The following KCNIP1 variants were observed in gnomAD, a reference collection of about 807,000 sequenced individuals.
The protein encoded by KCNIP1 is potassium voltage-gated channel interacting protein 1, also known as A-type potassium channel modulatory protein KCNIP1.
Under a neutral mutation model 33.0 loss-of-function variants are expected in KCNIP1, and 18 were observed. The observed-to-expected ratio is 0.55, with a 90% CI of 0.38 to 0.81. The LOEUF (loss-of-function observed/expected upper bound fraction) is 0.81. KCNIP1 is among the 30% of genes least tolerant of loss of function. The pLI is 0.00. For synonymous variants in KCNIP1, 93 were observed against 98.3 expected (o/e 0.95, Z 0.32); for missense variants, 238 against 271.6 (o/e 0.88, Z 0.87).
chr5:170,452,384 T>C (rs1204351409), intron 1 of KCNIP1, among the ~76,000 whole-genome samples: 1 of 152,188 alleles, frequency 6.6e-6, no homozygotes, highest in African/African-American at 2.4e-5. Context: ...GAATTCAATA[T>C]GAAACTCAGA....
intron 5 of KCNIP1, 30 bp downstream of exon 5, chr5:170,722,850 G>A (rs778022237): frequency 2.8e-6 from 4 of 1,416,396 alleles, no homozygotes; most frequent in South Asian, 1.2e-5. Flanking sequence ...GGGTGTGAGA[G>A]GGCTCCAGTG....
At chr5:170,730,212 A>G (rs968709104) in intron 5 of KCNIP1, among the ~76,000 whole-genome samples, 1 of 152,152 alleles carries the variant, frequency 6.6e-6, no homozygotes, top group African/African-American at 2.4e-5. Flanking sequence ...CTTGCAAAAC[A>G]TATAAAGAAA....
intron 1 of KCNIP1, among the ~76,000 whole-genome samples, chr5:170,482,190 A>C (rs1756993819): frequency 6.6e-6 from 1 of 152,134 alleles, no homozygotes; most frequent in Non-Finnish European, 1.5e-5. Context: ...CAGGAAAGAC[A>C]CTTCTGCTTG....
At chr5:170,539,367 T>G (rs1438811321) in intron 1 of KCNIP1, among the ~76,000 whole-genome samples, 1 of 152,218 alleles carries the variant, frequency 6.6e-6, no homozygotes, top group African/African-American at 2.4e-5. Flanking sequence ...GCACCTGCTC[T>G]GACCCTGCTG....
At chr5:170,378,827 G>C (rs1764115653) in intron 1 of KCNIP1, 1 of 1,614,256 alleles carries the variant, frequency 6.2e-7, no homozygotes. Flanking sequence ...GGGGCCCGTA[G>C]AGGCGCTGGA....
intron 1 of KCNIP1, among the ~76,000 whole-genome samples, chr5:170,620,323 G>A (rs2113640963): frequency 6.6e-6 from 1 of 152,268 alleles, no homozygotes; most frequent in South Asian, 2.1e-4. Context: ...TAATTCCATT[G>A]GTTCTCTAGG....
At position 170,504,243 on chromosome 5, in the gene KCNIP1, C is replaced by T; in HGVS notation, c.-330C>T. 9.1e-7 allele frequency: 1 copy of T among 1,100,802 alleles called. No homozygotes were observed. The highest frequency in any genetic ancestry group is 1.1e-6 in the Non-Finnish European group (1 of 905,230). The allele number at this position is 1,100,802 out of a possible 1,614,324, so 68.2% of individuals were successfully genotyped here. On this transcript the variant is annotated 5_prime_UTR_variant, in exon 1 of 8. Coordinates refer to ENST00000328939, the MANE Select transcript of KCNIP1 (RefSeq NM_014592.4). The surrounding 1 kb of genome is among the most constrained non-coding windows in gnomAD (Gnocchi z 6.0). ...CTCGGCAGCCTCGGCCGGGCGGCCG[C>T]TCTGGCCCCGTGTCCAGTGCCAGGC...
intron 5 of KCNIP1, among the ~76,000 whole-genome samples, chr5:170,728,792 G>A (rs945222577): frequency 6.6e-6 from 1 of 151,946 alleles, no homozygotes; most frequent in Non-Finnish European, 1.5e-5. Flanking sequence ...AGGAAATTTG[G>A]CACAATTGTT....
chr5:170,409,422 C>T (rs1007996977), intron 1 of KCNIP1, among the ~76,000 whole-genome samples: 8 of 152,194 alleles, frequency 5.3e-5, no homozygotes, highest in African/African-American at 1.7e-4. Context: ...CAGTTGCTCT[C>T]AGCAAGCCAA....
chr5:170,367,412 A>AGGAAAGAAAGAAAGAAT (rs753131983), intron 1 of KCNIP1, among the ~76,000 whole-genome samples: 1 of 104,040 alleles, frequency 9.6e-6, no homozygotes, highest in Non-Finnish European at 2.1e-5. Context: ...AAAGAAAGAA[A>AGGAAAGAAAGAAAGAAT]GAAAGAAAGG....
At position 170,649,541 on chromosome 5, in the gene KCNIP1, G is replaced by C. The variant is rs369492146; in HGVS notation, c.62-69217G>C. Among the ~76,000 whole-genome samples, 152 of 152,338 alleles carry C rather than the reference G, an allele frequency of 1.0e-3. 1 individual carries two copies. Among genetic ancestry groups the C allele is most frequent in the African/African-American group, 3.5e-3 (146 of 41,586 alleles). On this transcript the variant is annotated intron_variant, in intron 1 of 7. Transcript: ENST00000328939. The stretch of plus-strand genomic sequence containing the variant: ...GGTGCAGGCTCTGTCTCTACCCAGA[G>C]AGAGGAGGCATCTTTTACTTCAGAT...
intron 1 of KCNIP1, among the ~76,000 whole-genome samples, chr5:170,534,143 G>T (rs949446221): frequency 6.6e-6 from 1 of 152,150 alleles, no homozygotes; most frequent in Non-Finnish European, 1.5e-5. Flanking sequence ...CTCTAGGAGG[G>T]GCCAAACAGG....
intron 1 of KCNIP1, among the ~76,000 whole-genome samples, chr5:170,629,526 G>T (rs1759969321): frequency 6.6e-6 from 1 of 152,204 alleles, no homozygotes; most frequent in Admixed American, 6.5e-5. Context: ...GGTGCTAGCT[G>T]GGATGCCTGG....
chr5:170,713,083 A>T (rs1332373142), intron 1 of KCNIP1, among the ~76,000 whole-genome samples: 1 of 152,236 alleles, frequency 6.6e-6, no homozygotes, highest in Non-Finnish European at 1.5e-5. Context: ...TGCTCCCCGT[A>T]AGAAATGGTT....
chr5:170,571,206 T>G (rs1757394714), intron 1 of KCNIP1, among the ~76,000 whole-genome samples: 3 of 152,234 alleles, frequency 2.0e-5, no homozygotes, highest in Non-Finnish European at 2.9e-5. Flanking sequence ...TTTTGGACTC[T>G]GGTTGACTCT....
Position 170,475,666 on chromosome 5 carries a change from C to A in KCNIP1, c.88+121702C>A, listed in dbSNP as rs541598648. ...GATGCTGCTCCAAACACAACTGCAG[C>A]AGGGCCTCTTTGTGGGGGGTTCTTA... On this transcript the variant is annotated intron_variant, in intron 1 of 7. Coordinates refer to the KCNIP1 transcript ENST00000377360. Among the ~76,000 whole-genome samples, 5 of 152,334 alleles carry A rather than the reference C, an allele frequency of 3.3e-5. No homozygotes were observed. In the South Asian group the frequency reaches 6.2e-4, roughly 19 times the overall value.
intron 1 of KCNIP1, among the ~76,000 whole-genome samples, chr5:170,462,948 G>C (rs1193601717): frequency 6.6e-6 from 1 of 152,148 alleles, no homozygotes; most frequent in African/African-American, 2.4e-5. Context: ...GAGTGACACA[G>C]TGGACTTTGG....
chr5:170,372,944 T>C (rs1035879504), intron 1 of KCNIP1, among the ~76,000 whole-genome samples: 2 of 152,060 alleles, frequency 1.3e-5, no homozygotes, highest in East Asian at 3.9e-4. Context: ...GAGAACAGAG[T>C]CCATCTAAGC....
At chr5:170,435,330 A>G (rs1755837551) in intron 1 of KCNIP1, among the ~76,000 whole-genome samples, 1 of 152,158 alleles carries the variant, frequency 6.6e-6, no homozygotes. Flanking sequence ...CCAGCTTCTG[A>G]GGTCTTTCTG....
Sources: allele counts gnomAD v4.1 joint callset (sites outside exome capture counted in the v4.1 genomes callset), GRCh38; gene constraint gnomAD v4.1.1; non-coding constraint Gnocchi (gnomAD v3.1); transcripts MANE v1.5; gene names NCBI Gene and HGNC (gene_info 2026-07-23, HGNC 2026-07-21).